Variants in SORCS3 observed in about 807,000 individuals in gnomAD.
SORCS3 encodes the protein sortilin related VPS10 domain containing receptor 3.
Under a neutral mutation model 146.3 loss-of-function variants are expected in SORCS3, and 57 were observed. The ratio of observed to expected loss-of-function variants is 0.39; its 90% CI spans 0.31 to 0.49. SORCS3 has a LOEUF of 0.49. Ranked by LOEUF, SORCS3 falls within the 20% of genes least tolerant of loss-of-function variation. The probability of loss-of-function intolerance (pLI) is 0.92; values close to 1 mark genes in which losing one functional copy is unlikely to be tolerated. For missense variants in SORCS3, 1,341 were observed against 1,575.5 expected (o/e 0.85, Z 2.52); for synonymous variants, 653 against 618.5 (o/e 1.06, Z -0.83).
rs1382379378 is a variant in SORCS3 at position 104,978,828 on chromosome 10, A to G, written c.954+1335A>G. 1.8e-4 allele frequency among the ~76,000 whole-genome samples: 28 copies of G among 152,154 alleles called. 1 individual carries two copies. The highest frequency in any genetic ancestry group is 7.4e-5 in the Non-Finnish European group (5 of 67,990). ...GTGCCTTTGCTTAAACCCTTCTCAC[A>G]TTTCCTCTTTGTTCACAAACTAAAG... On this transcript the variant is annotated intron_variant, in intron 4 of 26. Transcript: ENST00000369701.
intron 2 of SORCS3, among the ~76,000 whole-genome samples, chr10:104,896,048 T>C (rs1286356668): frequency 1.3e-5 from 2 of 152,212 alleles, no homozygotes; most frequent in African/African-American, 4.8e-5. Context: ...CATTTCTCTT[T>C]ATGCAGAGTC....
intron 19 of SORCS3, among the ~76,000 whole-genome samples, chr10:105,221,149 G>A (rs1183042141): frequency 6.6e-6 from 1 of 152,054 alleles, no homozygotes; most frequent in African/African-American, 2.4e-5. Context: ...TTTTGATACA[G>A]GTATGCAATG....
At chr10:104,647,919 T>G (rs1298147806) in intron 1 of SORCS3, among the ~76,000 whole-genome samples, 2 of 152,212 alleles carry the variant, frequency 1.3e-5, no homozygotes. Flanking sequence ...TTCATCCATT[T>G]TCTGAGTGTT....
At chr10:104,779,674 C>A (rs919940395) in intron 1 of SORCS3, among the ~76,000 whole-genome samples, 1 of 152,088 alleles carries the variant, frequency 6.6e-6, no homozygotes, top group Non-Finnish European at 1.5e-5. Flanking sequence ...AGATGTTGAT[C>A]CTGCACCTGG....
chr10:104,918,539 A>T (rs887732287), intron 3 of SORCS3, among the ~76,000 whole-genome samples: 4 of 152,168 alleles, frequency 2.6e-5, no homozygotes, highest in African/African-American at 9.7e-5. Context: ...GCCAGCAGTG[A>T]TGGTTTTCAG....
At chr10:105,076,603 G>A (rs149085314) in intron 5 of SORCS3, among the ~76,000 whole-genome samples, 181 of 152,290 alleles carry the variant, frequency 1.2e-3, no homozygotes, top group South Asian at 2.1e-3. Context: ...GGGCCAACTG[G>A]TGGGCCAGCA....
Position 105,211,194 on chromosome 10 carries a change from T to C in SORCS3, c.2319T>C (p.Asn773=), listed in dbSNP as rs555537710. The C allele has an allele frequency of 2.7e-5, 43 of 1,614,086 alleles. No individual in the cohort carries two copies. The African/African-American group carries it at 4.5e-4, about 17-fold the overall frequency. Reference sequence around the variant, plus strand: ...AGTGTGTCCCAGCTTTCTGGTACAATCCAGCATCCCCATCAAAGGACTGCA... The same window carrying C: ...AGTGTGTCCCAGCTTTCTGGTACAACCCAGCATCCCCATCAAAGGACTGCA... ...ESQCVPAFWY[N]PASPSKDCSL... The change falls in exon 17 of 27, where the codon AAT becomes AAC. Residue 773 remains asparagine, a synonymous_variant. Transcript: ENST00000369701.
At chr10:105,257,447 A>G (rs888226191) in intron 25 of SORCS3, among the ~76,000 whole-genome samples, 1 of 152,172 alleles carries the variant, frequency 6.6e-6, no homozygotes, top group South Asian at 2.1e-4. Flanking sequence ...CTAAAGAGAA[A>G]TTGATTAGGA....
intron 1 of SORCS3, among the ~76,000 whole-genome samples, chr10:104,732,944 G>C (rs1465129267): frequency 6.6e-6 from 1 of 152,128 alleles, no homozygotes; most frequent in Non-Finnish European, 1.5e-5. Flanking sequence ...ATGGTCTCTG[G>C]TATCTGAAGG....
intron 3 of SORCS3, among the ~76,000 whole-genome samples, chr10:104,975,284 A>G (rs11597877): frequency 0.098 from 14,862 of 152,150 alleles, 1,031 homozygotes; most frequent in Middle Eastern, 0.14. Context: ...GCAGAGAGCC[A>G]AATCATGAGT....
intron 14 of SORCS3, among the ~76,000 whole-genome samples, chr10:105,190,571 G>A (rs2056510501): frequency 6.6e-6 from 1 of 152,102 alleles, no homozygotes; most frequent in Non-Finnish European, 1.5e-5. Flanking sequence ...GCTAATTTTT[G>A]TATTTTTGGT....
At chr10:104,784,988 G>A (rs1161249007) in intron 1 of SORCS3, among the ~76,000 whole-genome samples, 2 of 152,274 alleles carry the variant, frequency 1.3e-5, no homozygotes, top group East Asian at 1.9e-4. Context: ...GGTGGTGGCC[G>A]GGCAGAGGGG....
At chr10:104,812,169 T>C (rs931235408) in intron 1 of SORCS3, among the ~76,000 whole-genome samples, 22 of 152,186 alleles carry the variant, frequency 1.4e-4, no homozygotes, top group African/African-American at 5.1e-4. Flanking sequence ...GCACCTAGAA[T>C]GTCAGAGTAA....
intron 1 of SORCS3, among the ~76,000 whole-genome samples, chr10:104,675,032 A>T (rs1564656482): frequency 6.6e-6 from 1 of 152,230 alleles, no homozygotes; most frequent in Non-Finnish European, 1.5e-5. Context: ...TTTAGTAGAT[A>T]CCACCAAGTA....
chr10:104,757,065 GGT>G (rs1491528516), intron 1 of SORCS3, among the ~76,000 whole-genome samples: 3 of 114,292 alleles, frequency 2.6e-5, no homozygotes, highest in African/African-American at 6.9e-5. Context: ...CCAAGTTAAG[GGT>G]TTTTTTTTTT....
intron 7 of SORCS3, among the ~76,000 whole-genome samples, chr10:105,138,498 C>T (rs921670986): frequency 3.9e-5 from 6 of 152,174 alleles, no homozygotes; most frequent in African/African-American, 9.6e-5. Context: ...GCCTCCTCAG[C>T]GCAGCAGCCT....
chr10:105,124,886 G>A (rs1273661621), intron 7 of SORCS3, among the ~76,000 whole-genome samples: 1 of 152,146 alleles, frequency 6.6e-6, no homozygotes, highest in Non-Finnish European at 1.5e-5. Context: ...ACAGAAAGTC[G>A]GCTGTACCCA....
intron 14 of SORCS3, among the ~76,000 whole-genome samples, chr10:105,187,060 A>C (rs2056481700): frequency 6.6e-6 from 1 of 152,108 alleles, no homozygotes; most frequent in Admixed American, 6.6e-5. Context: ...TTAAACTTTC[A>C]AGCCCATTAC....
At chr10:104,735,522 C>T (rs1013645173) in intron 1 of SORCS3, among the ~76,000 whole-genome samples, 12 of 122,088 alleles carry the variant, frequency 9.8e-5, no homozygotes, top group Admixed American at 7.0e-4. Context: ...GCTTGCTCCC[C>T]AATCCCCTCT....
Sources: allele counts gnomAD v4.1 joint callset (sites outside exome capture counted in the v4.1 genomes callset), GRCh38; gene constraint gnomAD v4.1.1; transcripts MANE v1.5; gene names NCBI Gene and HGNC (gene_info 2026-07-23, HGNC 2026-07-21).